The following AFF2 variants were observed in gnomAD, a reference collection of about 807,000 sequenced individuals.
AFF2 encodes the protein ALF transcription elongation factor 2.
AFF2 carries 14 observed loss-of-function variants against 76.9 expected under a neutral mutation model. The ratio of observed to expected loss-of-function variants is 0.18; its 90% confidence interval spans 0.12 to 0.28. The LOEUF (loss-of-function observed/expected upper bound fraction) is 0.28. Ranked by LOEUF, AFF2 falls within the 10% of genes least tolerant of loss-of-function variation. The probability of loss-of-function intolerance (pLI) is 1.00; values close to 1 mark genes in which losing one functional copy is unlikely to be tolerated. For synonymous variants in AFF2, 398 were observed against 366.7 expected (o/e 1.09, Z -0.98); for missense variants, 868 against 1,001.1 (o/e 0.87, Z 1.79).
At chrX:148,778,603 T>C (rs1041554984) in intron 3 of AFF2, among the ~76,000 whole-genome samples, 2 of 111,859 alleles carry the variant, frequency 1.8e-5, no homozygotes, top group African/African-American at 3.3e-5. Flanking sequence ...CAGGAACTTA[T>C]TCATTTCTTC....
At chrX:148,606,339 G>A (rs1162937817) in intron 1 of AFF2, among the ~76,000 whole-genome samples, 1 of 111,709 alleles carries the variant, frequency 9.0e-6, no homozygotes, top group Non-Finnish European at 1.9e-5. Flanking sequence ...TTTTGAAATC[G>A]AAAAGAGTAT....
At chrX:148,750,265 A>G (rs1557266394) in intron 3 of AFF2, among the ~76,000 whole-genome samples, 1 of 110,880 alleles carries the variant, frequency 9.0e-6, no homozygotes, top group Non-Finnish European at 1.9e-5. Flanking sequence ...CACTGCGCCC[A>G]GCCGCCTGCA....
chrX:148,841,155 T>C (rs1254907840), intron 5 of AFF2, among the ~76,000 whole-genome samples: 2 of 111,999 alleles, frequency 1.8e-5, no homozygotes, highest in African/African-American at 6.5e-5. Context: ...TGTTTTACTC[T>C]CTGATCAGAT....
chrX:148,973,913 T>C (rs782793521), intron 16 of AFF2, among the ~76,000 whole-genome samples: 1 of 111,963 alleles, frequency 8.9e-6, no homozygotes, highest in East Asian at 2.8e-4. Context: ...TAGCATTGAC[T>C]TGTCTTTTCA....
intron 7 of AFF2, among the ~76,000 whole-genome samples, chrX:148,851,189 G>A (rs1049397051): frequency 8.9e-6 from 1 of 111,922 alleles, no homozygotes; most frequent in Non-Finnish European, 1.9e-5. Flanking sequence ...GTTGCTTAAA[G>A]CCCCTCCATT....
chrX:148,806,405 C>T (rs1407620551), intron 3 of AFF2, among the ~76,000 whole-genome samples: 2 of 111,865 alleles, frequency 1.8e-5, no homozygotes, highest in African/African-American at 6.5e-5. Flanking sequence ...GCGAGGACTA[C>T]GGTGGGGACC....
At chrX:148,611,747 C>A (rs2053736359) in intron 1 of AFF2, among the ~76,000 whole-genome samples, 1 of 111,434 alleles carries the variant, frequency 9.0e-6, no homozygotes, top group East Asian at 2.9e-4. Context: ...CCACTCCAGC[C>A]TTCAAGAATT....
At chrX:148,847,809 T>C (rs1164280025) in intron 7 of AFF2, among the ~76,000 whole-genome samples, 1 of 112,096 alleles carries the variant, frequency 8.9e-6, no homozygotes, top group African/African-American at 3.2e-5. Flanking sequence ...GGTGCTTTTA[T>C]GTACATTGCC....
chrX:148,922,042 A>G (rs2071601608), intron 9 of AFF2, among the ~76,000 whole-genome samples: 1 of 112,288 alleles, frequency 8.9e-6, no homozygotes, highest in South Asian at 3.7e-4. Context: ...TGTGTTCATT[A>G]GAGCACAAAA....
At chrX:148,595,225 G>A (rs782520243) in intron 1 of AFF2, among the ~76,000 whole-genome samples, 4 of 112,105 alleles carry the variant, frequency 3.6e-5, no homozygotes, top group African/African-American at 1.3e-4. Flanking sequence ...TGGGAAGATA[G>A]GATAAAGACA....
chrX:148,829,982 T>C (rs1557273193), intron 4 of AFF2, among the ~76,000 whole-genome samples: 1 of 112,230 alleles, frequency 8.9e-6, no homozygotes, highest in Non-Finnish European at 1.9e-5. Context: ...TCACTCTCCC[T>C]TTTCTGTGGA....
At chrX:148,536,077 G>A (rs1208545302) in intron 1 of AFF2, among the ~76,000 whole-genome samples, 2 of 109,567 alleles carry the variant, frequency 1.8e-5, no homozygotes, top group Non-Finnish European at 3.8e-5. Context: ...AAATTAGCCG[G>A]GCATGGTGGT....
At chrX:148,983,186 G>T (rs1273900837) in intron 19 of AFF2, among the ~76,000 whole-genome samples, 4 of 112,106 alleles carry the variant, frequency 3.6e-5, no homozygotes, top group African/African-American at 1.3e-4. Flanking sequence ...GTTTAAAAAG[G>T]CTGAGCAACA....
chrX:148,705,783 T>C (rs1433567372), intron 3 of AFF2, among the ~76,000 whole-genome samples: 1 of 111,703 alleles, frequency 9.0e-6, no homozygotes, highest in Middle Eastern at 4.2e-3. Flanking sequence ...AGTATGAGTT[T>C]TCTGTCACAG....
At chrX:148,636,775 T>A in intron 1 of AFF2, among the ~76,000 whole-genome samples, 1 of 108,120 alleles carries the variant, frequency 9.2e-6, no homozygotes, top group Non-Finnish European at 1.9e-5. Flanking sequence ...CTTATGTGAA[T>A]CAAAATTTTT....
At chrX:148,905,522 A>T (rs1013954236) in intron 9 of AFF2, among the ~76,000 whole-genome samples, 7 of 112,205 alleles carry the variant, frequency 6.2e-5, no homozygotes, top group African/African-American at 2.3e-4. Flanking sequence ...GATGGTGCTA[A>T]TGAGGCCAGG....
chrX:148,968,919 C>G (rs2072214482), intron 15 of AFF2, among the ~76,000 whole-genome samples: 1 of 111,887 alleles, frequency 8.9e-6, no homozygotes, highest in Non-Finnish European at 1.9e-5. Flanking sequence ...CCTCAAAGAC[C>G]AAAGGTTTTC....
At chrX:148,742,483 A>G (rs1427733896) in intron 3 of AFF2, among the ~76,000 whole-genome samples, 1 of 111,880 alleles carries the variant, frequency 8.9e-6, no homozygotes, top group Non-Finnish European at 1.9e-5. Flanking sequence ...TTCAAGTACA[A>G]TAAAAAGCTC....
chrX:148,684,009 T>G (rs1188319117), intron 3 of AFF2, among the ~76,000 whole-genome samples: 1 of 111,846 alleles, frequency 8.9e-6, no homozygotes, highest in Non-Finnish European at 1.9e-5. Context: ...TCACCCATAC[T>G]TAATATCTCA....
Sources: allele counts gnomAD v4.1 joint callset (sites outside exome capture counted in the v4.1 genomes callset), GRCh38; gene constraint gnomAD v4.1.1; transcripts MANE v1.5; gene names NCBI Gene and HGNC (gene_info 2026-07-23, HGNC 2026-07-21).